The following CAPN2 variants were observed in gnomAD, a reference collection of about 807,000 sequenced individuals.
The protein encoded by CAPN2 is calpain 2, also known as calpain-2 catalytic subunit.
A neutral mutation model predicts 102.3 loss-of-function variants in CAPN2; 92 were observed. That is an observed-to-expected ratio of 0.90 (90% CI 0.76 to 1.07). The LOEUF (loss-of-function observed/expected upper bound fraction) is 1.07. CAPN2 is among the 50% of genes least tolerant of loss of function. The pLI is 0.00. For missense variants in CAPN2, 800 were observed against 909.4 expected, an observed-to-expected ratio of 0.88 and a Z score of 1.55; for synonymous variants, 340 against 355.4, an observed-to-expected ratio of 0.96 and a Z score of 0.49.
upstream of CAPN2, among the ~76,000 whole-genome samples, chr1:223,708,949 A>G (rs1171940226): frequency 6.6e-6 from 1 of 152,258 alleles, no homozygotes. Context: ...AGAATCTGCA[A>G]GCAGCTCAAA....
upstream of CAPN2, among the ~76,000 whole-genome samples, chr1:223,707,915 T>A (rs1342796650): frequency 6.6e-6 from 1 of 152,114 alleles, no homozygotes; most frequent in Non-Finnish European, 1.5e-5. Flanking sequence ...CTTGAGGAGA[T>A]CAGTGGGAGG....
At chr1:223,737,178 G>C (rs765859334) in intron 2 of CAPN2, among the ~76,000 whole-genome samples, 4 of 152,214 alleles carry the variant, frequency 2.6e-5, no homozygotes, top group Non-Finnish European at 5.9e-5. Flanking sequence ...GGGCACCCAG[G>C]TGGGCTTTTT....
At chr1:223,724,744 A>G (rs1040520684) in intron 2 of CAPN2, among the ~76,000 whole-genome samples, 3 of 152,138 alleles carry the variant, frequency 2.0e-5, no homozygotes, top group African/African-American at 7.2e-5. Context: ...CTGAGGTGGG[A>G]GGGTCCCTTC....
chr1:223,707,036 C>T (rs184562478), intron 1 of CAPN2, among the ~76,000 whole-genome samples: 26 of 149,546 alleles, frequency 1.7e-4, no homozygotes, highest in African/African-American at 5.4e-4. Flanking sequence ...GCCGAGATCA[C>T]GCCACTGCAC....
At chr1:223,765,823 C>T (rs543311836) in intron 15 of CAPN2, among the ~76,000 whole-genome samples, 4 of 152,310 alleles carry the variant, frequency 2.6e-5, no homozygotes, top group Admixed American at 2.0e-4. Flanking sequence ...GCCAGGTTCA[C>T]ATTGGTGACT....
chr1:223,742,518 A>ATTTT (rs199697766), intron 2 of CAPN2, among the ~76,000 whole-genome samples: 6 of 114,418 alleles, frequency 5.2e-5, no homozygotes, highest in Non-Finnish European at 8.7e-5. Flanking sequence ...ATATATATAT[A>ATTTT]TTTTTTTTTT....
chr1:223,735,840 C>T (rs549440540), intron 2 of CAPN2, among the ~76,000 whole-genome samples: 52 of 151,846 alleles, frequency 3.4e-4, no homozygotes, highest in Non-Finnish European at 5.4e-4. Context: ...AGTGAAGTGA[C>T]GTAATCTCAG....
In CAPN2 at chr1:223,749,053, G is replaced by T; in HGVS notation, c.744G>T (p.Ala248=). ...TGTGTTTGCAGATCACCAGCGCCGC[G>T]GACTCGGAGGCCATCACGTTTCAGA... ...LGCSIDITSA[A]DSEAITFQKL... Residue 248 remains alanine (A), a synonymous_variant, in exon 6 of 21, where the codon GCG becomes GCT. Transcript: ENST00000295006. 6.2e-7 allele frequency: 1 copy of T among 1,614,066 alleles called. No homozygotes were observed. The highest frequency in any genetic ancestry group is 8.5e-7 in the Non-Finnish European group (1 of 1,179,932).
intron 1 of CAPN2, among the ~76,000 whole-genome samples, chr1:223,706,728 A>G (rs1219079744): frequency 6.6e-6 from 1 of 152,238 alleles, no homozygotes; most frequent in Non-Finnish European, 1.5e-5. Context: ...AATATGTCAA[A>G]TAAAAACTGA....
chr1:223,773,587 G>A (rs536221744), intron 20 of CAPN2, among the ~76,000 whole-genome samples: 51 of 152,232 alleles, frequency 3.4e-4, no homozygotes, highest in African/African-American at 9.4e-4. Flanking sequence ...CCAGCTACTC[G>A]GGAGGCTGAA....
chr1:223,763,684 A>G (rs1052949240), intron 14 of CAPN2, among the ~76,000 whole-genome samples: 1 of 152,242 alleles, frequency 6.6e-6, no homozygotes, highest in Non-Finnish European at 1.5e-5. Context: ...GAATTAAGAA[A>G]GACCACAAAC....
At chr1:223,712,179 T>C (rs1040188341), upstream of CAPN2, among the ~76,000 whole-genome samples, 1 of 152,236 alleles carries the variant, frequency 6.6e-6, no homozygotes, top group Non-Finnish European at 1.5e-5. Context: ...TCAGGGCAGC[T>C]GGTTTAGTTT....
chr1:223,764,125 C>T, intron 14 of CAPN2, 25 bp from the exon 15 acceptor site: 6 of 1,607,162 alleles, frequency 3.7e-6, no homozygotes, highest in Non-Finnish European at 5.1e-6. Flanking sequence ...GGGCCAATAA[C>T]TATGCTCTGG....
At chr1:223,761,987 CTT>C (rs1661197525) in intron 13 of CAPN2, among the ~76,000 whole-genome samples, 197 bp from the exon 14 acceptor site, 2 of 148,306 alleles carry the variant, frequency 1.3e-5, no homozygotes, top group African/African-American at 5.2e-5. Flanking sequence ...TACATTCCTT[CTT>C]GTGTTTTAAT....
intron 6 of CAPN2, 126 bp downstream of exon 6, chr1:223,749,248 C>G: frequency 2.6e-6 from 2 of 782,574 alleles, no homozygotes; most frequent in South Asian, 3.4e-5. Context: ...GGGCCCCGCA[C>G]TCCTGAAGTT....
intron 16 of CAPN2, among the ~76,000 whole-genome samples, chr1:223,769,235 TCC>T (rs1459273858): frequency 8.5e-5 from 13 of 152,190 alleles, no homozygotes; most frequent in African/African-American, 3.1e-4. Context: ...TTCTCCCCCC[TCC>T]AGCCTCCCTA....
chr1:223,708,802 GAGA>G (rs1659669013), upstream of CAPN2, among the ~76,000 whole-genome samples: 1 of 149,886 alleles, frequency 6.7e-6, no homozygotes. Context: ...GAGAGAAAGA[GAGA>G]AGGAGAGAAG....
At chr1:223,703,784 G>T (rs1159228994) in intron 1 of CAPN2, among the ~76,000 whole-genome samples, 2 of 152,194 alleles carry the variant, frequency 1.3e-5, no homozygotes, top group Non-Finnish European at 2.9e-5. Flanking sequence ...GAGGACTCAA[G>T]TTGACACACT....
At chr1:223,762,984 A>G (rs1289707873) in intron 14 of CAPN2, among the ~76,000 whole-genome samples, 3 of 151,848 alleles carry the variant, frequency 2.0e-5, no homozygotes, top group Non-Finnish European at 4.4e-5. Flanking sequence ...CACCATGCCC[A>G]GCTAATTTTT....
Sources: allele counts gnomAD v4.1 joint callset (sites outside exome capture counted in the v4.1 genomes callset), GRCh38; gene constraint gnomAD v4.1.1; transcripts MANE v1.5; gene names NCBI Gene and HGNC (gene_info 2026-07-23, HGNC 2026-07-21).